Variants in DGKE observed in about 807,000 individuals in gnomAD.
The protein encoded by DGKE is DAG kinase epsilon.
DGKE carries 53 observed loss-of-function variants against 70.0 expected under a neutral mutation model. The observed-to-expected ratio is 0.76, with a 90% confidence interval of 0.61 to 0.95. DGKE has a LOEUF of 0.95. Ranked by LOEUF, DGKE falls within the 40% of genes least tolerant of loss-of-function variation. The pLI is 0.00. For missense variants in DGKE, 655 were observed against 706.9 expected (o/e 0.93, Z 0.83); for synonymous variants, 291 against 257.0 (o/e 1.13, Z -1.27).
chr17:56,835,487 G>A, intron 2 of DGKE: 1 of 555,636 alleles, frequency 1.8e-6, no homozygotes, highest in Non-Finnish European at 3.1e-6. Flanking sequence ...TGCCCTTTTG[G>A]GTAATAAAAC....
chr17:56,844,559 CT>C (rs894010836), intron 3 of DGKE, among the ~76,000 whole-genome samples: 6 of 151,064 alleles, frequency 4.0e-5, no homozygotes, highest in Admixed American at 2.6e-4. Context: ...AGGAATTCAT[CT>C]TTTTTTTTAA....
At chr17:56,856,000 C>A in intron 7 of DGKE, among the ~76,000 whole-genome samples, 1 of 100,080 alleles carries the variant, frequency 1.0e-5, no homozygotes. Context: ...TCCGAGACTC[C>A]ATCTCAAAAA....
chr17:56,846,874 A>G (rs1455872828), intron 4 of DGKE, among the ~76,000 whole-genome samples: 1 of 152,194 alleles, frequency 6.6e-6, no homozygotes, highest in African/African-American at 2.4e-5. Context: ...TACTATAACA[A>G]TAATCTAGAT....
rs1378233238 is a variant in DGKE at position 56,834,174 on chromosome 17, A to G, written c.-105A>G. 1 of 152,354 alleles carries G rather than the reference A, an allele frequency of 6.6e-6. No individual in the cohort carries two copies. The highest frequency in any genetic ancestry group is 1.5e-5 in the Non-Finnish European group (1 of 68,190). 9.4% of individuals were successfully genotyped at this position (152,354 alleles called of 1,614,324 possible). A position where few individuals can be genotyped will look rare whatever the true frequency, so the allele number is the denominator to read the frequency against. On this transcript the variant is annotated 5_prime_UTR_variant, in exon 1 of 12. Transcript: ENST00000284061. ...TTAAGCGTTTCCCCCGCCCGGCTTCATCCCTGCTGGCGGCCCAGCGTCGTT... is the reference window on the plus strand; with the variant it reads ...TTAAGCGTTTCCCCCGCCCGGCTTCGTCCCTGCTGGCGGCCCAGCGTCGTT...
At chr17:56,839,801 G>A (rs555925167) in intron 2 of DGKE, among the ~76,000 whole-genome samples, 3 of 152,148 alleles carry the variant, frequency 2.0e-5, no homozygotes, top group East Asian at 3.9e-4. Flanking sequence ...GATTGCAGGC[G>A]TAAGCCACCA....
At position 56,866,629 on chromosome 17, in the gene DGKE, C is replaced by T. The variant is rs910579011; in HGVS notation, c.*3838C>T. On this transcript the variant is annotated 3_prime_UTR_variant, in exon 12 of 12. Coordinates refer to ENST00000284061, the MANE Select transcript of DGKE (RefSeq NM_003647.3). ...AATTGGTATGATTCATATGTGGAAT[C>T]AGTTTTTGGACTGTGACCCATGCAG... 7 of 152,184 alleles carry T rather than the reference C, an allele frequency of 4.6e-5. No homozygotes were observed. The highest frequency in any genetic ancestry group is 1.7e-4 in the African/African-American group (7 of 41,456). 9.4% of individuals were successfully genotyped at this position (152,184 alleles called of 1,614,324 possible).
intron 7 of DGKE, among the ~76,000 whole-genome samples, chr17:56,853,055 T>C (rs1426121661): frequency 6.6e-6 from 1 of 152,204 alleles, no homozygotes; most frequent in Admixed American, 6.5e-5. Context: ...GATGTTCATA[T>C]TAGGGATGCT....
In DGKE at chr17:56,868,518, A is replaced by G. The variant is rs981698365; in HGVS notation, c.*5727A>G. 2 of 152,214 alleles carry G rather than the reference A, an allele frequency of 1.3e-5. No individual in the cohort carries two copies. Among genetic ancestry groups the G allele is most frequent in the East Asian group, 3.8e-4 (2 of 5,196 alleles). The allele number at this position is 152,214 out of a possible 1,614,324, so 9.4% of individuals were successfully genotyped here. Reference sequence around the variant, plus strand: ...TGGCCTCTTGCACTTTCCCCTGCCCACCACTTGTAACTACCACTTAATTAT... The same window carrying G: ...TGGCCTCTTGCACTTTCCCCTGCCCGCCACTTGTAACTACCACTTAATTAT... On this transcript the variant is annotated 3_prime_UTR_variant, in exon 12 of 12. Coordinates refer to ENST00000284061, the MANE Select transcript of DGKE (RefSeq NM_003647.3).
In DGKE at chr17:56,858,501, A is replaced by G. The variant is rs112401423; in HGVS notation, c.1213-93A>G. 15 of 1,054,146 alleles carry G rather than the reference A, an allele frequency of 1.4e-5. 1 individual carries two copies. The highest frequency in any genetic ancestry group is 1.3e-4 in the African/African-American group (8 of 61,454). 65.3% of individuals were successfully genotyped at this position (1,054,146 alleles called of 1,614,324 possible). Reference sequence around the variant, plus strand: ...CCATAAGGAGAATGTGTGCTTCAACATTCTTAAAGGGAGCTTTGATACAGC... The same window carrying G: ...CCATAAGGAGAATGTGTGCTTCAACGTTCTTAAAGGGAGCTTTGATACAGC... On this transcript the variant is annotated intron_variant, in intron 8 of 11. Coordinates refer to ENST00000284061, the MANE Select transcript of DGKE (RefSeq NM_003647.3).
intron 9 of DGKE, 85 bp downstream of exon 9, chr17:56,858,750 G>A: frequency 9.4e-7 from 1 of 1,068,450 alleles, no homozygotes; most frequent in Non-Finnish European, 1.3e-6. Flanking sequence ...GCTAAACTTT[G>A]TTAATATATT....
At chr17:56,852,354 AG>A (rs1907702518) in intron 7 of DGKE, among the ~76,000 whole-genome samples, 1 of 151,546 alleles carries the variant, frequency 6.6e-6, no homozygotes, top group South Asian at 2.1e-4. Flanking sequence ...CAGAGGGTGC[AG>A]TGAGCCAAGA....
At chr17:56,858,842 C>T (rs1908111737) in intron 9 of DGKE, among the ~76,000 whole-genome samples, 177 bp downstream of exon 9, 1 of 152,150 alleles carries the variant, frequency 6.6e-6, no homozygotes, top group African/African-American at 2.4e-5. Context: ...TAAATTCTCT[C>T]CACAATTCTA....
At position 56,864,386 on chromosome 17, in the gene DGKE, A is replaced by G. The variant is rs2144308519; in HGVS notation, c.*1595A>G. The G allele has an allele frequency of 6.6e-6, 1 of 152,338 alleles. No homozygotes were observed. Among genetic ancestry groups the G allele is most frequent in the African/African-American group, 2.4e-5 (1 of 41,576 alleles). The allele number at this position is 152,338 out of a possible 1,614,324, so 9.4% of individuals were successfully genotyped here. A position where few individuals can be genotyped will look rare whatever the true frequency, so the allele number is the denominator to read the frequency against. On this transcript the variant is annotated 3_prime_UTR_variant, in exon 12 of 12. Transcript: ENST00000284061. ...TAAGTTTGCCTCACCTCAGGCCCAG[A>G]CCATGTTTTCAAAGAGCAACTTAGT...
At chr17:56,844,299 A>C (rs1240642460) in intron 3 of DGKE, 121 bp downstream of exon 3, 2 of 611,832 alleles carry the variant, frequency 3.3e-6, no homozygotes, top group Non-Finnish European at 5.0e-6. Context: ...AACTTAAATA[A>C]CAGATCAAGA....
At chr17:56,845,920 A>T in intron 4 of DGKE, 111 bp downstream of exon 4, 2 of 1,159,580 alleles carry the variant, frequency 1.7e-6, no homozygotes, top group Non-Finnish European at 2.3e-6. Flanking sequence ...AATAATAATT[A>T]CAAAAAGATC....
In DGKE at chr17:56,863,912, ACAAT is replaced by A. The variant is rs1265937014; in HGVS notation, c.*1124_*1127del. 3 of 152,296 alleles carry A rather than the reference ACAAT, an allele frequency of 2.0e-5. No individual in the cohort carries two copies. Among genetic ancestry groups the A allele is most frequent in the South Asian group, 2.1e-4 (1 of 4,822 alleles). 9.4% of individuals were successfully genotyped at this position (152,296 alleles called of 1,614,324 possible). A position where few individuals can be genotyped will look rare whatever the true frequency, so the allele number is the denominator to read the frequency against. On this transcript the variant is annotated 3_prime_UTR_variant, in exon 12 of 12. Transcript: ENST00000284061. ...ATTGATCACATAAATTCTGCTAGTCACAATCAGATAGAAATTTAGTCTATTAATT... is the reference window on the plus strand; with the variant it reads ...ATTGATCACATAAATTCTGCTAGTCACAGATAGAAATTTAGTCTATTAATT...
chr17:56,853,314 T>G (rs552253141), intron 7 of DGKE, among the ~76,000 whole-genome samples: 10 of 152,222 alleles, frequency 6.6e-5, no homozygotes, highest in Non-Finnish European at 1.5e-4. Flanking sequence ...TTTGTCTATT[T>G]TTACTTTTAT....
At chr17:56,834,462 G>A (rs1048636829) in intron 1 of DGKE, among the ~76,000 whole-genome samples, 2 of 152,240 alleles carry the variant, frequency 1.3e-5, no homozygotes, top group Non-Finnish European at 2.9e-5. Context: ...AGGGCAGCTT[G>A]CCCCTGTATG....
intron 2 of DGKE, among the ~76,000 whole-genome samples, chr17:56,843,445 A>G (rs117921618): frequency 0.056 from 8,482 of 152,154 alleles, 287 homozygotes; most frequent in Admixed American, 0.099. Flanking sequence ...CTTTAGTGTT[A>G]TTATTAAAAT....
Sources: allele counts gnomAD v4.1 joint callset (sites outside exome capture counted in the v4.1 genomes callset), GRCh38; gene constraint gnomAD v4.1.1; transcripts MANE v1.5; gene names NCBI Gene and HGNC (gene_info 2026-07-23, HGNC 2026-07-21).